DOCK4: variants seen among roughly 807,000 people sequenced by gnomAD.
DOCK4 encodes the protein dedicator of cytokinesis 4.
Under a neutral mutation model 268.1 loss-of-function variants are expected in DOCK4, and 97 were observed. That is an observed-to-expected ratio of 0.36 (90% CI 0.31 to 0.43). The LOEUF (loss-of-function observed/expected upper bound fraction) is 0.43. DOCK4 is among the 20% of genes least tolerant of loss of function. DOCK4 has a pLI of 1.00. For missense variants in DOCK4, 2,145 were observed against 2,455.7 expected (o/e 0.87, Z 2.67); for synonymous variants, 954 against 887.2 (o/e 1.08, Z -1.34).
At chr7:112,009,808 C>CT (rs1463116318) in intron 1 of DOCK4, among the ~76,000 whole-genome samples, 1 of 151,932 alleles carries the variant, frequency 6.6e-6, no homozygotes. Context: ...GAACTAAATT[C>CT]TTTTTTTTAA....
intron 26 of DOCK4, among the ~76,000 whole-genome samples, chr7:111,830,343 G>T (rs867150838): frequency 6.6e-6 from 1 of 152,006 alleles, no homozygotes; most frequent in African/African-American, 2.4e-5. Flanking sequence ...GAGGAATTGC[G>T]TCAACCTGGG....
At chr7:112,076,409 TTC>T (rs774343878) in intron 1 of DOCK4, among the ~76,000 whole-genome samples, 8 of 152,126 alleles carry the variant, frequency 5.3e-5, no homozygotes, top group Non-Finnish European at 1.2e-4. Flanking sequence ...GGAACCCATT[TTC>T]ATATTAAATG....
chr7:112,042,648 G>A (rs1804492746), intron 1 of DOCK4, among the ~76,000 whole-genome samples: 1 of 152,166 alleles, frequency 6.6e-6, no homozygotes, highest in African/African-American at 2.4e-5. Context: ...CCATCTGCAT[G>A]ACCAATCATC....
chr7:112,125,252 C>T (rs963928264), intron 1 of DOCK4, among the ~76,000 whole-genome samples: 2 of 152,216 alleles, frequency 1.3e-5, no homozygotes, highest in African/African-American at 4.8e-5. Flanking sequence ...CCTGCCCCAT[C>T]AGGATGATCC....
intron 25 of DOCK4, among the ~76,000 whole-genome samples, chr7:111,842,904 G>A (rs773729507): frequency 6.6e-6 from 1 of 152,176 alleles, no homozygotes; most frequent in Non-Finnish European, 1.5e-5. Flanking sequence ...ATAACATGTA[G>A]GCACTGTTCC....
intron 1 of DOCK4, among the ~76,000 whole-genome samples, chr7:112,056,744 C>T (rs1019984808): frequency 6.6e-6 from 1 of 152,134 alleles, no homozygotes; most frequent in African/African-American, 2.4e-5. Context: ...ATAATATAAG[C>T]ATGTGCAAAC....
At chr7:112,121,459 G>C (rs951691461) in intron 1 of DOCK4, among the ~76,000 whole-genome samples, 1 of 152,078 alleles carries the variant, frequency 6.6e-6, no homozygotes, top group Non-Finnish European at 1.5e-5. Context: ...AAATCCACAG[G>C]GGCAAGGTTC....
intron 1 of DOCK4, among the ~76,000 whole-genome samples, chr7:112,027,337 G>A (rs7785928): frequency 0.06 from 9,195 of 152,032 alleles, 924 homozygotes; most frequent in African/African-American, 0.21. Context: ...AGATTCTCCC[G>A]CCTCAGCCTC....
At chr7:112,181,976 T>C (rs1346369452) in intron 1 of DOCK4, among the ~76,000 whole-genome samples, 7 of 152,156 alleles carry the variant, frequency 4.6e-5, no homozygotes, top group African/African-American at 7.2e-5. Context: ...AATCACCATA[T>C]CACTAATCTT....
At chr7:112,123,643 A>G (rs1218181913) in intron 1 of DOCK4, among the ~76,000 whole-genome samples, 3 of 152,226 alleles carry the variant, frequency 2.0e-5, no homozygotes, top group Admixed American at 2.0e-4. Context: ...TATCCAATGT[A>G]TCAACTATTT....
intron 1 of DOCK4, among the ~76,000 whole-genome samples, chr7:112,061,571 G>A (rs573913217): frequency 7.2e-4 from 110 of 151,794 alleles, no homozygotes; most frequent in African/African-American, 2.6e-3. Context: ...AACAAGAGTC[G>A]GCACACACAG....
At chr7:112,204,662 C>T (rs568415064) in intron 1 of DOCK4, among the ~76,000 whole-genome samples, 2 of 152,028 alleles carry the variant, frequency 1.3e-5, no homozygotes, top group African/African-American at 4.8e-5. Context: ...TGGAAGCTAA[C>T]GTGAAATGTG....
chr7:111,889,539 C>G (rs1157726162), intron 16 of DOCK4, among the ~76,000 whole-genome samples: 1 of 152,080 alleles, frequency 6.6e-6, no homozygotes, highest in Non-Finnish European at 1.5e-5. Flanking sequence ...AAGCAGAGAA[C>G]AGTAGCTTCT....
At chr7:112,063,956 T>C (rs1172168540) in intron 1 of DOCK4, among the ~76,000 whole-genome samples, 2 of 152,202 alleles carry the variant, frequency 1.3e-5, no homozygotes, top group South Asian at 2.1e-4. Context: ...TTGAGACCTC[T>C]CCATATTGTG....
intron 1 of DOCK4, among the ~76,000 whole-genome samples, chr7:112,017,537 C>A (rs1211132689): frequency 6.6e-6 from 1 of 152,198 alleles, no homozygotes; most frequent in African/African-American, 2.4e-5. Flanking sequence ...GACTCTTCCT[C>A]AGTACTGTGT....
chr7:111,947,550 A>G (rs911210351), intron 8 of DOCK4, among the ~76,000 whole-genome samples: 2 of 151,628 alleles, frequency 1.3e-5, no homozygotes, highest in Non-Finnish European at 2.9e-5. Flanking sequence ...AATTGAAGCT[A>G]AAGTTCACAT....
intron 13 of DOCK4, among the ~76,000 whole-genome samples, chr7:111,902,694 C>T (rs996037922): frequency 2.6e-5 from 4 of 151,252 alleles, no homozygotes; most frequent in Non-Finnish European, 5.9e-5. Context: ...ATGGCAAGGT[C>T]GAATTTATTT....
intron 1 of DOCK4, among the ~76,000 whole-genome samples, chr7:112,132,318 A>T (rs1171118335): frequency 6.6e-6 from 1 of 152,164 alleles, no homozygotes; most frequent in Non-Finnish European, 1.5e-5. Flanking sequence ...CAGTTAATGA[A>T]GCAGAAACGA....
At chr7:111,817,499 T>TC in intron 27 of DOCK4, among the ~76,000 whole-genome samples, 1 of 152,294 alleles carries the variant, frequency 6.6e-6, no homozygotes, top group African/African-American at 2.4e-5. Flanking sequence ...GAAGCTTCCC[T>TC]CCTTGAGAAA....
Sources: allele counts gnomAD v4.1 joint callset (sites outside exome capture counted in the v4.1 genomes callset), GRCh38; gene constraint gnomAD v4.1.1; transcripts MANE v1.5; gene names NCBI Gene and HGNC (gene_info 2026-07-23, HGNC 2026-07-21).